PPP3CA: variants seen among roughly 807,000 people sequenced by gnomAD.
The protein encoded by PPP3CA is CAM-PRP catalytic subunit.
Under a neutral mutation model 66.5 loss-of-function variants are expected in PPP3CA, and 14 were observed. That is an observed-to-expected ratio of 0.21 (90% CI 0.14 to 0.33). The LOEUF is 0.33. Ranked by LOEUF, PPP3CA falls within the 10% of genes least tolerant of loss-of-function variation. The pLI, the probability that PPP3CA is intolerant of heterozygous loss-of-function variation, is 1.00. For synonymous variants in PPP3CA, 232 were observed against 226.2 expected, an observed-to-expected ratio of 1.03 and a Z score of -0.23; for missense variants, 317 against 639.5, an observed-to-expected ratio of 0.50 and a Z score of 5.44.
At chr4:101,333,163 G>A (rs940930065) in intron 1 of PPP3CA, among the ~76,000 whole-genome samples, 16 of 145,918 alleles carry the variant, frequency 1.1e-4, no homozygotes, top group South Asian at 6.6e-4. Flanking sequence ...GGAATGTAAC[G>A]GCATGATCAT....
chr4:101,109,554 T>C (rs763454811), intron 2 of PPP3CA, among the ~76,000 whole-genome samples: 6 of 150,548 alleles, frequency 4.0e-5, no homozygotes, highest in Non-Finnish European at 8.8e-5. Context: ...TACTGCCTCC[T>C]GAAGAGAAAG....
At chr4:101,115,420 T>A (rs1231621412) in intron 2 of PPP3CA, among the ~76,000 whole-genome samples, 1 of 151,948 alleles carries the variant, frequency 6.6e-6, no homozygotes, top group Non-Finnish European at 1.5e-5. Flanking sequence ...GGATAGGTGT[T>A]CAAAACAAGA....
intron 11 of PPP3CA, among the ~76,000 whole-genome samples, chr4:101,037,300 G>C (rs1727296864): frequency 6.6e-6 from 1 of 152,142 alleles, no homozygotes; most frequent in Non-Finnish European, 1.5e-5. Flanking sequence ...ACAAAGCCTT[G>C]CTTACATGCA....
chr4:101,219,945 G>A (rs1405052360), intron 1 of PPP3CA, among the ~76,000 whole-genome samples: 4 of 151,612 alleles, frequency 2.6e-5, no homozygotes, highest in Admixed American at 2.0e-4. Flanking sequence ...GTTACTGAAC[G>A]TCCATAATGA....
intron 6 of PPP3CA, among the ~76,000 whole-genome samples, chr4:101,084,582 G>A (rs1432524540): frequency 2.6e-5 from 4 of 151,742 alleles, no homozygotes; most frequent in African/African-American, 9.7e-5. Context: ...GGTGGAGGTT[G>A]CAGTGAGTCG....
intron 1 of PPP3CA, among the ~76,000 whole-genome samples, chr4:101,321,012 G>T (rs1729026120): frequency 6.6e-6 from 1 of 152,166 alleles, no homozygotes; most frequent in African/African-American, 2.4e-5. Flanking sequence ...GAAAAACATT[G>T]ATGTTTGTGT....
At position 101,302,616 on chromosome 4, in the gene PPP3CA, C is replaced by T. The variant is rs141378455; in HGVS notation, c.58+44123G>A. On this transcript the variant is annotated intron_variant, in intron 1 of 13. Coordinates refer to ENST00000394854, the MANE Select transcript of PPP3CA (RefSeq NM_000944.5). ...CGCAATCTCAGCTTACCGCAACCTC[C>T]GCCTCCTGGTTCAAGCGATTCTCCT... Among the ~76,000 whole-genome samples the T allele has an allele frequency of 6.5e-3, 988 of 152,266 alleles. 8 individuals are homozygous for T. The highest frequency in any genetic ancestry group is 0.023 in the African/African-American group (954 of 41,542).
At chr4:101,326,870 G>A (rs905198468) in intron 1 of PPP3CA, among the ~76,000 whole-genome samples, 4 of 152,134 alleles carry the variant, frequency 2.6e-5, no homozygotes, top group Non-Finnish European at 5.9e-5. Flanking sequence ...TTAAATATAG[G>A]CTAAATAATC....
intron 8 of PPP3CA, among the ~76,000 whole-genome samples, chr4:101,066,602 A>G (rs1728691435): frequency 6.6e-6 from 1 of 152,164 alleles, no homozygotes. Flanking sequence ...TTATGCAAAA[A>G]TACTTTTTGA....
intron 2 of PPP3CA, among the ~76,000 whole-genome samples, chr4:101,193,877 T>C (rs529740973): frequency 4.6e-5 from 7 of 152,334 alleles, no homozygotes; most frequent in Non-Finnish European, 8.8e-5. Context: ...GGGCAAACCA[T>C]GGCAAATGTT....
intron 2 of PPP3CA, among the ~76,000 whole-genome samples, chr4:101,151,173 G>A (rs1723124660): frequency 6.6e-6 from 1 of 152,106 alleles, no homozygotes; most frequent in African/African-American, 2.4e-5. Flanking sequence ...TGGACCTTCA[G>A]TCAAGATTTG....
At chr4:101,300,923 T>C (rs1342091378) in intron 1 of PPP3CA, among the ~76,000 whole-genome samples, 1 of 152,192 alleles carries the variant, frequency 6.6e-6, no homozygotes, top group Non-Finnish European at 1.5e-5. Flanking sequence ...TTTCTATCAC[T>C]ATGTATAAAT....
chr4:101,157,925 T>C (rs955837024), intron 2 of PPP3CA, among the ~76,000 whole-genome samples: 2 of 150,764 alleles, frequency 1.3e-5, no homozygotes, highest in African/African-American at 2.4e-5. Flanking sequence ...AAAATAGTTC[T>C]ATTTTTAATT....
intron 8 of PPP3CA, among the ~76,000 whole-genome samples, chr4:101,072,571 C>A (rs1728962172): frequency 6.6e-6 from 1 of 152,082 alleles, no homozygotes; most frequent in African/African-American, 2.4e-5. Context: ...TGCATTTATA[C>A]ACATAAACTC....
intron 1 of PPP3CA, among the ~76,000 whole-genome samples, chr4:101,339,853 T>C (rs1037050302): frequency 6.6e-6 from 1 of 152,204 alleles, no homozygotes; most frequent in Non-Finnish European, 1.5e-5. Context: ...GTTTAGACAC[T>C]GACATACTAG....
chr4:101,090,395 T>C (rs1015337778), intron 6 of PPP3CA, among the ~76,000 whole-genome samples: 1 of 152,026 alleles, frequency 6.6e-6, no homozygotes, highest in Admixed American at 6.6e-5. Flanking sequence ...TCCCAGCACT[T>C]TGGGAGGCCG....
chr4:101,111,654 C>A (rs532288068), intron 2 of PPP3CA, among the ~76,000 whole-genome samples: 2 of 152,132 alleles, frequency 1.3e-5, no homozygotes, highest in African/African-American at 4.8e-5. Context: ...GGCTCCAACC[C>A]TTGCTGTATT....
At position 101,025,895 on chromosome 4, in the gene PPP3CA, G is replaced by A. The variant is rs1471629951; in HGVS notation, c.1536C>T (p.Ser512=). Residue 512 remains serine, a synonymous_variant, in exon 14 of 14, where the codon AGC becomes AGT. Transcript: ENST00000394854. The part of the protein sequence containing the change: ...ALTSETNGTD[S]NGSNSSNIQ ...GAATATTGCTGCTATTACTGCCATT[G>A]CTGTCCGTGCCGTTAGTCTCTGAGG... The A allele has an allele frequency of 1.3e-6, 2 of 1,583,982 alleles. No homozygotes were observed. Among genetic ancestry groups the A allele is most frequent in the East Asian group, 2.4e-5 (1 of 42,544 alleles).
At chr4:101,329,820 A>C (rs192033296) in intron 1 of PPP3CA, among the ~76,000 whole-genome samples, 1 of 152,214 alleles carries the variant, frequency 6.6e-6, no homozygotes, top group Non-Finnish European at 1.5e-5. Flanking sequence ...TGTTTGCTGA[A>C]TATTTTAAGC....
Sources: gnomAD v4.1 joint callset for allele counts (sites outside exome capture counted in the v4.1 genomes callset) on GRCh38, gnomAD v4.1.1 for gene constraint, MANE v1.5 for transcripts, NCBI Gene and HGNC (gene_info 2026-07-23, HGNC 2026-07-21) for gene names.